Variants in TMIGD3 observed in about 807,000 individuals in gnomAD.
TMIGD3 encodes transmembrane and immunoglobulin domain containing 3.
A neutral mutation model predicts 28.1 loss-of-function variants in TMIGD3; 21 were observed. That is an observed-to-expected ratio of 0.75 (90% CI 0.53 to 1.08). TMIGD3 has a LOEUF of 1.08. TMIGD3 is among the 50% of genes least tolerant of loss of function. The probability of loss-of-function intolerance (pLI) is 0.00; values close to 1 mark genes in which losing one functional copy is unlikely to be tolerated. For missense variants in TMIGD3, 416 were observed against 435.6 expected (o/e 0.96, Z 0.40); for synonymous variants, 151 against 162.1 (o/e 0.93, Z 0.52).
At chr1:111,503,652 G>A (rs1655369879), upstream of TMIGD3, 2 of 1,143,122 alleles carry the variant, frequency 1.7e-6, no homozygotes, top group Non-Finnish European at 2.2e-6. Flanking sequence ...AAGTGCTGCT[G>A]CTCTTAGTTC....
At chr1:111,517,526 G>C (rs1210199047) in intron 1 of TMIGD3, among the ~76,000 whole-genome samples, 1 of 152,134 alleles carries the variant, frequency 6.6e-6, no homozygotes, top group Non-Finnish European at 1.5e-5. Context: ...GAGCATTTCT[G>C]AATTTCAGTC....
At chr1:111,544,327 A>G (rs1235865690) in intron 1 of TMIGD3, among the ~76,000 whole-genome samples, 4 of 152,142 alleles carry the variant, frequency 2.6e-5, no homozygotes, top group Non-Finnish European at 5.9e-5. Flanking sequence ...AACCATCACT[A>G]CTATCCAATT....
intron 1 of TMIGD3, among the ~76,000 whole-genome samples, chr1:111,545,498 G>C (rs1020717691): frequency 6.6e-6 from 1 of 151,686 alleles, no homozygotes; most frequent in African/African-American, 2.4e-5. Context: ...GAATTTTAAG[G>C]GTTCTTTATG....
At position 111,532,783 on chromosome 1, in the gene TMIGD3, C is replaced by T. The variant is rs12122683; in HGVS notation, c.107+31063G>A. 2.9e-3 allele frequency among the ~76,000 whole-genome samples: 445 copies of T among 152,196 alleles called. 2 individuals carry two copies. The highest frequency in any genetic ancestry group is 4.9e-3 in the Non-Finnish European group (336 of 68,018). On this transcript the variant is annotated intron_variant, in intron 1 of 5. Coordinates refer to the TMIGD3 transcript ENST00000369717. Reference sequence around the variant, plus strand: ...ACCGTGGCTTGTACCAGGAAGGCCCCGGCATGAAAGGCAATGGCACACTCC... The same window carrying T: ...ACCGTGGCTTGTACCAGGAAGGCCCTGGCATGAAAGGCAATGGCACACTCC...
chr1:111,532,816 A>G (rs1656499645), intron 1 of TMIGD3, among the ~76,000 whole-genome samples: 1 of 152,178 alleles, frequency 6.6e-6, no homozygotes, highest in Non-Finnish European at 1.5e-5. Flanking sequence ...TCCTTCTTCC[A>G]GAAACCTCAG....
At chr1:111,495,256 TAAAC>T (rs1483715839) in intron 1 of TMIGD3, among the ~76,000 whole-genome samples, 1 of 152,146 alleles carries the variant, frequency 6.6e-6, no homozygotes, top group Admixed American at 6.6e-5. Flanking sequence ...ATAAGGAACT[TAAAC>T]AAATTTACAA....
Position 111,488,796 on chromosome 1 carries a change from T to A in TMIGD3, c.686A>T (p.Asp229Val). ...IVTMSCLTKE[D>V]TGWYWCGIQR... is the part of the protein sequence containing the mutation. ...GATGCCACACCAGTACCAGCCCGTG[T>A]CCTCTTTGGTCAGGCAGGACATAGT... The change falls in exon 3 of 6, where the codon GAC becomes GTC. Residue 229 changes from aspartate to valine, a missense_variant. Asp to Val is a radical substitution (Grantham distance 152). Coordinates refer to ENST00000369716, the MANE Select transcript of TMIGD3 (RefSeq NM_020683.7). 1.2e-6 allele frequency: 2 copies of A among 1,614,190 alleles called. No individual in the cohort carries two copies. The highest frequency in any genetic ancestry group is 3.3e-5 in the Admixed American group (2 of 60,024).
chr1:111,501,313 G>A (rs984895426), intron 1 of TMIGD3: 1 of 152,256 alleles, frequency 6.6e-6, no homozygotes. Context: ...AGGACAGTAA[G>A]AGTAAGAGTC....
At position 111,502,334 on chromosome 1, in the gene TMIGD3, ATATT is replaced by A. The variant is rs1289024259; in HGVS notation, c.350+667_350+670del. Reference sequence around the variant, plus strand: ...TATAATGAATATATATAGGATACATATATTTATTATAATGAATATATATAGGATA... The same window carrying A: ...TATAATGAATATATATAGGATACATATATTATAATGAATATATATAGGATA... On this transcript the variant is annotated intron_variant, in intron 1 of 5. Transcript: ENST00000369716. Among the ~76,000 whole-genome samples the A allele has an allele frequency of 2.2e-5, 3 of 139,388 alleles. No individual in the cohort carries two copies. The East Asian group carries it at 6.0e-4, about 28-fold the overall frequency. The allele number at this position is 139,388 out of a possible 152,430, so 91.4% of individuals were successfully genotyped here. A position where few individuals can be genotyped will look rare whatever the true frequency, so the allele number is the denominator to read the frequency against.
chr1:111,521,714 G>A (rs1163791187), intron 1 of TMIGD3, among the ~76,000 whole-genome samples: 1 of 152,024 alleles, frequency 6.6e-6, no homozygotes, highest in African/African-American at 2.4e-5. Flanking sequence ...CTCCTGGTTT[G>A]TGGCCAACTT....
intron 1 of TMIGD3, among the ~76,000 whole-genome samples, chr1:111,497,419 C>A (rs917904063): frequency 1.3e-5 from 2 of 152,186 alleles, no homozygotes; most frequent in Non-Finnish European, 2.9e-5. Flanking sequence ...TCCTGTAACA[C>A]TAATCTCTAA....
At chr1:111,542,527 C>G in intron 1 of TMIGD3, 1 of 198,464 alleles carries the variant, frequency 5.0e-6, no homozygotes, top group Non-Finnish European at 1.1e-5. Flanking sequence ...ATTTTTATTT[C>G]ATTTACAGCA....
intron 1 of TMIGD3, among the ~76,000 whole-genome samples, chr1:111,511,016 T>C (rs1039908778): frequency 2.6e-5 from 4 of 152,228 alleles, no homozygotes; most frequent in Non-Finnish European, 4.4e-5. Flanking sequence ...GGAATCGCAC[T>C]GGGTAAACCA....
chr1:111,555,489 A>C (rs992046189), intron 1 of TMIGD3, among the ~76,000 whole-genome samples: 1 of 151,972 alleles, frequency 6.6e-6, no homozygotes, highest in African/African-American at 2.4e-5. Flanking sequence ...TAAATAGTAG[A>C]CTCACCCAGA....
At position 111,517,857 on chromosome 1, in the gene TMIGD3, G is replaced by A. The variant is rs147133558; in HGVS notation, c.108-27095C>T. 7.0e-3 allele frequency among the ~76,000 whole-genome samples: 1,060 copies of A among 152,272 alleles called. 15 individuals are homozygous for A. Among genetic ancestry groups the A allele is most frequent in the African/African-American group, 0.025 (1,020 of 41,530 alleles). ...CATACTCCACATCAAAAACTTCAGA[G>A]CTTCATATTAAAACCAGTGCCCCTC... is the stretch of plus-strand genomic sequence containing the variant. On this transcript the variant is annotated intron_variant, in intron 1 of 5. Transcript: ENST00000369717.
intron 1 of TMIGD3, among the ~76,000 whole-genome samples, chr1:111,547,087 G>T (rs1333877949): frequency 6.6e-6 from 1 of 152,056 alleles, no homozygotes; most frequent in African/African-American, 2.4e-5. Context: ...CTAATATATA[G>T]AAATACAACT....
At chr1:111,518,422 C>T (rs573938681) in intron 1 of TMIGD3, among the ~76,000 whole-genome samples, 2 of 152,330 alleles carry the variant, frequency 1.3e-5, no homozygotes, top group Non-Finnish European at 2.9e-5. Context: ...GGATGTTTAG[C>T]AGTAACCATG....
chr1:111,492,229 ATTAAC>A (rs1191733037), intron 1 of TMIGD3, among the ~76,000 whole-genome samples: 1 of 152,212 alleles, frequency 6.6e-6, no homozygotes, highest in Non-Finnish European at 1.5e-5. Context: ...GACACCATGC[ATTAAC>A]CACCCAACCA....
intron 1 of TMIGD3, among the ~76,000 whole-genome samples, chr1:111,519,041 C>T (rs977290699): frequency 6.6e-6 from 1 of 152,132 alleles, no homozygotes; most frequent in Non-Finnish European, 1.5e-5. Context: ...CGGGTTCAAG[C>T]GATTCTCCTG....
Sources: allele counts gnomAD v4.1 joint callset (sites outside exome capture counted in the v4.1 genomes callset), GRCh38; gene constraint gnomAD v4.1.1; transcripts MANE v1.5; gene names NCBI Gene and HGNC (gene_info 2026-07-23, HGNC 2026-07-21).